CLTB: variants seen among roughly 807,000 people sequenced by gnomAD.
CLTB encodes clathrin light chain B, also known as clathrin, light chain (Lcb).
Under a neutral mutation model 30.5 loss-of-function variants are expected in CLTB, and 10 were observed. The ratio of observed to expected loss-of-function variants is 0.33; its 90% confidence interval spans 0.20 to 0.56. CLTB has a LOEUF of 0.56. CLTB is among the 20% of genes least tolerant of loss of function. The pLI is 0.91. For synonymous variants in CLTB, 102 were observed against 120.3 expected, an observed-to-expected ratio of 0.85 and a Z score of 1.00; for missense variants, 261 against 308.3, an observed-to-expected ratio of 0.85 and a Z score of 1.15.
intron 1 of CLTB, among the ~76,000 whole-genome samples, chr5:176,415,174 C>G (rs571321778): frequency 6.6e-6 from 1 of 152,266 alleles, no homozygotes; most frequent in Admixed American, 6.5e-5. Flanking sequence ...GGGACTAGGC[C>G]CTGAACACTG....
intron 2 of CLTB, chr5:176,401,900 C>T (rs1418750824): frequency 1.3e-5 from 5 of 389,882 alleles, no homozygotes; most frequent in African/African-American, 8.3e-5. Context: ...GCCCTCACCG[C>T]CCCTGGCCTG....
At chr5:176,412,174 C>CAAAAA (rs546824950) in intron 1 of CLTB, among the ~76,000 whole-genome samples, 1 of 82,392 alleles carries the variant, frequency 1.2e-5, no homozygotes, top group African/African-American at 4.7e-5. Context: ...AGACTCATCT[C>CAAAAA]AAAAAAAAAA....
rs974439276 is a variant in CLTB, at chr5:176,393,891, A to G, written c.519-946T>C. Reference sequence around the variant, plus strand: ...AGCTGGGTCTATGTCCTGTTTGGCCAGCGAGGGTCGCTCACAAGTCCCTGG... The same window carrying G: ...AGCTGGGTCTATGTCCTGTTTGGCCGGCGAGGGTCGCTCACAAGTCCCTGG... On this transcript the variant is annotated intron_variant, in intron 5 of 5. Transcript: ENST00000310418. This position sits in a 1 kb window ranked among gnomAD's most constrained non-coding sequence, Gnocchi z 4.4. Among the ~76,000 whole-genome samples, 6 of 152,314 alleles carry G rather than the reference A, an allele frequency of 3.9e-5. No homozygotes were observed. Among genetic ancestry groups the G allele is most frequent in the Non-Finnish European group, 8.8e-5 (6 of 68,026 alleles).
At chr5:176,405,341 T>C (rs1159861031) in intron 2 of CLTB, among the ~76,000 whole-genome samples, 4 of 151,498 alleles carry the variant, frequency 2.6e-5, no homozygotes, top group Non-Finnish European at 5.9e-5. Flanking sequence ...AATTAAAAAA[T>C]TAGCCAGGCA....
chr5:176,397,115 A>G (rs1756560721), intron 4 of CLTB, among the ~76,000 whole-genome samples: 1 of 152,056 alleles, frequency 6.6e-6, no homozygotes, highest in Non-Finnish European at 1.5e-5. Flanking sequence ...GCGCCCTTTG[A>G]GGACATAAGG....
chr5:176,394,685 G>T lies in CLTB; in HGVS notation c.519-1740C>A, dbSNP rs180807336. ...ACAAAATTAGCCGGGCATGGTGGCG[G>T]GCACCTGTAGTCCCAGCTACTCAGG... On this transcript the variant is annotated intron_variant, in intron 5 of 5. Transcript: ENST00000310418. Among the ~76,000 whole-genome samples, 234 of 152,180 alleles carry T rather than the reference G, an allele frequency of 1.5e-3. 1 individual carries two copies. Among genetic ancestry groups the T allele is most frequent in the African/African-American group, 5.3e-3 (220 of 41,514 alleles).
At chr5:176,414,678 G>A (rs1410177189) in intron 1 of CLTB, among the ~76,000 whole-genome samples, 1 of 152,186 alleles carries the variant, frequency 6.6e-6, no homozygotes, top group Admixed American at 6.5e-5. Context: ...GAAAGAGCAT[G>A]GAGCCCAGAG....
chr5:176,398,438 G>A (rs901919988), intron 2 of CLTB, among the ~76,000 whole-genome samples: 2 of 152,256 alleles, frequency 1.3e-5, no homozygotes, highest in South Asian at 2.1e-4. Flanking sequence ...AATGTCGGGC[G>A]CAGTGGCTCA....
At chr5:176,406,771 T>C (rs950150872) in intron 2 of CLTB, 40 of 1,210,912 alleles carry the variant, frequency 3.3e-5, no homozygotes, top group Non-Finnish European at 4.2e-5. Flanking sequence ...AAGTGTTGGG[T>C]GTGCACAGGC....
intron 1 of CLTB, among the ~76,000 whole-genome samples, chr5:176,412,067 T>A (rs1265758607): frequency 1.3e-5 from 2 of 150,478 alleles, no homozygotes; most frequent in Non-Finnish European, 2.9e-5. Flanking sequence ...TCCCAGCCAC[T>A]CGGGAGGCTG....
chr5:176,393,073 T>G lies in CLTB; in HGVS notation c.519-128A>C. 2 of 1,043,340 alleles carry G rather than the reference T, an allele frequency of 1.9e-6. No individual in the cohort carries two copies. Among genetic ancestry groups the G allele is most frequent in the Non-Finnish European group, 2.9e-6 (2 of 694,074 alleles). The allele number at this position is 1,043,340 out of a possible 1,614,324, so 64.6% of individuals were successfully genotyped here. A position where few individuals can be genotyped will look rare whatever the true frequency, so the allele number is the denominator to read the frequency against. On this transcript the variant is annotated intron_variant, in intron 5 of 5. Transcript: ENST00000310418. This position sits in a 1 kb window ranked among gnomAD's most constrained non-coding sequence, Gnocchi z 4.4. ...TCCCCAGCCTTGTGCCCCCCTGACT[T>G]CAGAGGAGGGCAGCCTTGGCGCAGG... is the stretch of plus-strand genomic sequence containing the variant.
At position 176,416,228 on chromosome 5, in the gene CLTB, C is replaced by A; in HGVS notation, c.136G>T (p.Ala46Ser). The change falls in exon 1 of 6, where the codon GCA becomes TCA. Residue 46 changes from alanine to serine, a missense_variant. This residue lies in a region of CLTB where 113 missense variants were observed against 102.5 expected (regional missense o/e 1.10). Transcript: ENST00000310418. ...AGIENDEGFG[A>S]PAGSHAAPAQ... ...GGGGCCGCATGGCTGCCGGCAGGTG[C>A]CCCGAAGCCCTCGTCGTTCTCTATG... 1 of 1,598,746 alleles carries A rather than the reference C, an allele frequency of 6.3e-7. No homozygotes were observed.
chr5:176,405,193 T>C (rs1165374167), intron 2 of CLTB, among the ~76,000 whole-genome samples: 1 of 152,026 alleles, frequency 6.6e-6, no homozygotes, highest in East Asian at 1.9e-4. Context: ...TGTCTTCTAT[T>C]AGAAGCGAGT....
rs181624653 is a variant in CLTB, at chr5:176,406,370, G to A, written c.234+3887C>T. The A allele has an allele frequency of 7.1e-6, 8 of 1,128,152 alleles. No individual in the cohort carries two copies. The Admixed American group carries it at 3.6e-4, about 51-fold the overall frequency. The allele number at this position is 1,128,152 out of a possible 1,614,324, so 69.9% of individuals were successfully genotyped here. A position where few individuals can be genotyped will look rare whatever the true frequency, so the allele number is the denominator to read the frequency against. Reference sequence around the variant, plus strand: ...CCTCTCCTGAGGGGCCCCTCTGCTGGGCCCACCCATGAGAACCTCTGTGGA... The same window carrying A: ...CCTCTCCTGAGGGGCCCCTCTGCTGAGCCCACCCATGAGAACCTCTGTGGA... On this transcript the variant is annotated intron_variant, in intron 2 of 5. Coordinates refer to ENST00000310418, the MANE Select transcript of CLTB (RefSeq NM_007097.5).
intron 1 of CLTB, among the ~76,000 whole-genome samples, chr5:176,411,187 T>C (rs1757411598): frequency 6.6e-6 from 1 of 152,134 alleles, no homozygotes; most frequent in Non-Finnish European, 1.5e-5. Context: ...AATACATGCA[T>C]GAAAGAAAGA....
rs1756611036 is a variant in CLTB at position 176,397,690 on chromosome 5, T to C, written c.381A>G (p.Glu127=). The C allele has an allele frequency of 6.2e-7, 1 of 1,613,714 alleles. No individual in the cohort carries two copies. Among genetic ancestry groups the C allele is most frequent in the Non-Finnish European group, 8.5e-7 (1 of 1,179,864 alleles). Reference sequence around the variant, plus strand: ...GGTCCTTCTTGGCCTTCTCCCGCCATTCCTGTTCCGTGACCTTAGATGCAG... The same window carrying C: ...GGTCCTTCTTGGCCTTCTCCCGCCACTCCTGTTCCGTGACCTTAGATGCAG... The part of the protein sequence containing the change: ...LDAASKVTEQ[E]WREKAKKDLE... The change falls in exon 4 of 6, where the codon GAA becomes GAG. Residue 127 remains glutamate (E), a synonymous_variant. Coordinates refer to ENST00000310418, the MANE Select transcript of CLTB (RefSeq NM_007097.5).
chr5:176,395,680 C>T (rs540060776), intron 5 of CLTB, among the ~76,000 whole-genome samples: 2 of 152,220 alleles, frequency 1.3e-5, no homozygotes, highest in East Asian at 3.9e-4. Context: ...AAGTAGACCC[C>T]AAACCTGAAA....
intron 4 of CLTB, among the ~76,000 whole-genome samples, chr5:176,396,968 T>G (rs1756554520): frequency 6.6e-6 from 1 of 152,038 alleles, no homozygotes; most frequent in South Asian, 2.1e-4. Flanking sequence ...TTCCCTTTTT[T>G]CCTCCTAGTC....
chr5:176,395,939 A>T (rs1455580036), intron 5 of CLTB, among the ~76,000 whole-genome samples: 2 of 152,232 alleles, frequency 1.3e-5, no homozygotes, highest in Non-Finnish European at 2.9e-5. Context: ...GTTCGAGACC[A>T]GCCTGGCCGA....
Sources: gnomAD v4.1 joint callset for allele counts (sites outside exome capture counted in the v4.1 genomes callset) on GRCh38, gnomAD v4.1.1 for gene constraint, gnomAD v4.1.1 regional missense constraint, Gnocchi (gnomAD v3.1) non-coding constraint, MANE v1.5 for transcripts, NCBI Gene and HGNC (gene_info 2026-07-23, HGNC 2026-07-21) for gene names.